POTEF: variants seen among roughly 807,000 people sequenced by gnomAD.
POTEF encodes the protein POTE ankyrin domain family member F.
In POTEF, 20 loss-of-function variants were observed where a neutral mutation model predicts 83.2. The observed-to-expected ratio is 0.24, with a 90% CI of 0.17 to 0.35. POTEF has a LOEUF of 0.35. POTEF is among the 10% of genes least tolerant of loss of function. POTEF has a pLI of 1.00. For missense variants in POTEF, 550 were observed against 1,203.2 expected (o/e 0.46, Z 8.03); for synonymous variants, 196 against 446.4 (o/e 0.44, Z 7.07).
intron 16 of POTEF, among the ~76,000 whole-genome samples, chr2:130,076,693 C>T (rs1406570224): frequency 1.4e-5 from 2 of 147,064 alleles, no homozygotes; most frequent in East Asian, 2.0e-4. Context: ...CCCAGCTATA[C>T]ATTTCCTACT....
intron 2 of POTEF, among the ~76,000 whole-genome samples, chr2:130,127,504 C>G (rs564548346): frequency 0.013 from 1,901 of 149,916 alleles, 38 homozygotes; most frequent in African/African-American, 0.046. Context: ...CCACTGCCAC[C>G]GAGGCCCATG....
chr2:130,110,335 T>A (rs1464078369), intron 7 of POTEF, among the ~76,000 whole-genome samples: 1 of 150,466 alleles, frequency 6.6e-6, no homozygotes, highest in African/African-American at 2.5e-5. Flanking sequence ...TTAAAAGTCC[T>A]GAGATAAAGA....
At chr2:130,112,922 A>G (rs1487686883) in intron 5 of POTEF, among the ~76,000 whole-genome samples, 1 of 151,936 alleles carries the variant, frequency 6.6e-6, no homozygotes, top group African/African-American at 2.4e-5. Flanking sequence ...GAGACACAAA[A>G]TCCTGAGAGG....
intron 8 of POTEF, among the ~76,000 whole-genome samples, chr2:130,104,980 G>T (rs959304820): frequency 3.3e-5 from 5 of 150,730 alleles, no homozygotes; most frequent in Admixed American, 3.3e-4. Context: ...AGTCATTCCT[G>T]CTGACCTGCT....
At chr2:130,108,214 G>C (rs2599863) in intron 7 of POTEF, 135 bp from the exon 8 acceptor site, 2 of 1,385,100 alleles carry the variant, frequency 1.4e-6, no homozygotes, top group East Asian at 2.6e-5. Flanking sequence ...CCACCCACTT[G>C]TGAGTACATT....
At chr2:130,089,940 TTTCA>T (rs1437129125) in intron 12 of POTEF, among the ~76,000 whole-genome samples, 1 of 63,452 alleles carries the variant, frequency 1.6e-5, no homozygotes, top group Non-Finnish European at 2.9e-5. Flanking sequence ...TCTTACTTCT[TTTCA>T]TTATGTCCTG....
At chr2:130,101,831 G>T (rs956242475) in intron 9 of POTEF, among the ~76,000 whole-genome samples, 12 of 135,692 alleles carry the variant, frequency 8.8e-5, no homozygotes, top group Non-Finnish European at 1.9e-4. Context: ...AAAGGCAGAT[G>T]AGAGTATTTT....
intron 7 of POTEF, among the ~76,000 whole-genome samples, chr2:130,108,950 C>T (rs1427616733): frequency 6.6e-6 from 1 of 150,870 alleles, no homozygotes; most frequent in Non-Finnish European, 1.5e-5. Flanking sequence ...CAAAAGTCTA[C>T]TTTTATTTTT....
chr2:130,118,512 T>C (rs1412116323), intron 3 of POTEF, among the ~76,000 whole-genome samples: 1 of 151,574 alleles, frequency 6.6e-6, no homozygotes, highest in African/African-American at 2.4e-5. Context: ...CTGGCCAAGA[T>C]GGTGAAACCC....
At chr2:130,128,695 CTGAG>C (rs1685162369) in intron 1 of POTEF, among the ~76,000 whole-genome samples, 1 of 152,118 alleles carries the variant, frequency 6.6e-6, no homozygotes, top group African/African-American at 2.4e-5. Flanking sequence ...ATAGCGCACC[CTGAG>C]TAAGGGCAGT....
At chr2:130,113,933 G>T (rs751540803) in intron 5 of POTEF, among the ~76,000 whole-genome samples, 1 of 151,656 alleles carries the variant, frequency 6.6e-6, no homozygotes, top group Non-Finnish European at 1.5e-5. Context: ...GATTTTCCCC[G>T]GTAAGAGAAG....
chr2:130,108,154 TTAAGAG>T (rs1228053919), intron 7 of POTEF, 75 bp from the exon 8 acceptor site: 2 of 1,499,170 alleles, frequency 1.3e-6, no homozygotes, highest in African/African-American at 2.9e-5. Flanking sequence ...TGTAGAATTA[TTAAGAG>T]TATTTCAAAC....
chr2:130,128,704 G>A (rs1404436402), intron 1 of POTEF, among the ~76,000 whole-genome samples: 1 of 148,868 alleles, frequency 6.7e-6, no homozygotes. Flanking sequence ...CCTGAGTAAG[G>A]GCAGTGCAGC....
intron 2 of POTEF, among the ~76,000 whole-genome samples, chr2:130,125,865 C>T (rs893729746): frequency 4.0e-5 from 6 of 149,880 alleles, no homozygotes; most frequent in African/African-American, 1.5e-4. Context: ...AAGATCGGGC[C>T]ATCGTACTAC....
intron 2 of POTEF, among the ~76,000 whole-genome samples, chr2:130,121,148 T>G (rs1684994846): frequency 6.9e-6 from 1 of 145,350 alleles, no homozygotes; most frequent in African/African-American, 2.8e-5. Flanking sequence ...TGCGGCGTGC[T>G]TATCTCAGGT....
At chr2:130,126,429 T>C (rs2104713678) in intron 2 of POTEF, among the ~76,000 whole-genome samples, 1 of 151,776 alleles carries the variant, frequency 6.6e-6, no homozygotes, top group Admixed American at 6.6e-5. Flanking sequence ...TAGCTCCAAA[T>C]ATGTGAGAGA....
At chr2:130,126,303 CAAAA>C (rs754556482) in intron 2 of POTEF, among the ~76,000 whole-genome samples, 234 of 122,450 alleles carry the variant, frequency 1.9e-3, no homozygotes, top group African/African-American at 6.1e-3. Context: ...AACTCCATCT[CAAAA>C]AAAAAAAAAA....
chr2:130,078,245 A>T (rs1683870159), intron 15 of POTEF, among the ~76,000 whole-genome samples: 1 of 89,188 alleles, frequency 1.1e-5, no homozygotes, highest in South Asian at 3.4e-4. Context: ...TGAATTCAGT[A>T]AAGTCTCAGA....
Position 130,108,931 on chromosome 2 carries a change from A to G in POTEF, c.1056-852T>C, listed in dbSNP as rs545560459. 5.6e-4 allele frequency among the ~76,000 whole-genome samples: 85 copies of G among 151,284 alleles called. 1 individual carries two copies. The highest frequency in any genetic ancestry group is 2.0e-3 in the African/African-American group (83 of 40,764). ...ATATTGATGTTCAATTCCAGCTGAC[A>G]TGGGAGACCAAAAGTCTACTTTTAT... On this transcript the variant is annotated intron_variant, in intron 7 of 16. Coordinates refer to ENST00000409914, the MANE Select transcript of POTEF (RefSeq NM_001099771.2).
Sources: allele counts gnomAD v4.1 joint callset (sites outside exome capture counted in the v4.1 genomes callset), GRCh38; gene constraint gnomAD v4.1.1; transcripts MANE v1.5; gene names NCBI Gene and HGNC (gene_info 2026-07-23, HGNC 2026-07-21).